Variants in PAPOLA observed in about 807,000 individuals in gnomAD.
PAPOLA encodes the protein poly(A) polymerase alpha.
Under a neutral mutation model 100.6 loss-of-function variants are expected in PAPOLA, and 15 were observed. The ratio of observed to expected loss-of-function variants is 0.15; its 90% CI spans 0.10 to 0.23. The LOEUF (loss-of-function observed/expected upper bound fraction) is 0.23, where lower values mean the gene tolerates loss of function less well. Ranked by LOEUF, PAPOLA falls within the 10% of genes least tolerant of loss-of-function variation. PAPOLA has a pLI of 1.00. For synonymous variants in PAPOLA, 293 were observed against 300.0 expected (o/e 0.98, Z 0.24); for missense variants, 533 against 884.2 (o/e 0.60, Z 5.04).
chr14:96,522,976 A>G (rs1175898162), intron 3 of PAPOLA, among the ~76,000 whole-genome samples: 1 of 152,162 alleles, frequency 6.6e-6, no homozygotes, highest in East Asian at 1.9e-4. Context: ...TAAAAGTTGT[A>G]GTCTTTTGGT....
At chr14:96,531,854 G>A in intron 7 of PAPOLA, 1 of 1,388,806 alleles carries the variant, frequency 7.2e-7, no homozygotes, top group South Asian at 1.7e-5. Context: ...TGTTGCTAGT[G>A]ATTTAGGTTT....
intron 2 of PAPOLA, among the ~76,000 whole-genome samples, chr14:96,520,599 A>C (rs1315154453): frequency 6.6e-6 from 1 of 151,856 alleles, no homozygotes; most frequent in African/African-American, 2.4e-5. Context: ...CTGGTCTCGA[A>C]CTCCTGAGCC....
At position 96,544,232 on chromosome 14, in the gene PAPOLA, A is replaced by G; in HGVS notation, c.1373A>G (p.Tyr458Cys). ...NSENLSVDLT[Y>C]DIQSFTDTVY... ...GAAAACCTCAGTGTTGATCTCACCT[A>G]TGATATTCAGTCTTTCACAGATACA... The change falls in exon 15 of 22, where the codon TAT (tyrosine) becomes TGT (cysteine). Residue 458 changes from tyrosine to cysteine, a missense_variant. Physicochemically the swap from Tyr to Cys is radical, Grantham distance 194. This residue lies in a region of PAPOLA where 18 missense variants were observed against 74.9 expected (regional missense o/e 0.24). Coordinates refer to ENST00000216277, the MANE Select transcript of PAPOLA (RefSeq NM_032632.5). 2.5e-6 allele frequency: 4 copies of G among 1,574,202 alleles called. No individual in the cohort carries two copies. The highest frequency in any genetic ancestry group is 1.1e-5 in the South Asian group (1 of 90,014).
intron 3 of PAPOLA, among the ~76,000 whole-genome samples, chr14:96,525,069 A>T (rs1898349221): frequency 6.6e-6 from 1 of 152,232 alleles, no homozygotes; most frequent in South Asian, 2.1e-4. Context: ...AGTTTCTAGA[A>T]ATAGGGCAAG....
intron 9 of PAPOLA, 103 bp from the exon 10 acceptor site, chr14:96,534,388 A>C: frequency 4.6e-6 from 7 of 1,534,666 alleles, no homozygotes; most frequent in Non-Finnish European, 6.1e-6. Context: ...CCAAGAAGGC[A>C]GAATGAAGAA....
intron 12 of PAPOLA, among the ~76,000 whole-genome samples, chr14:96,540,082 A>C (rs1424542926): frequency 1.3e-5 from 2 of 152,126 alleles, no homozygotes; most frequent in African/African-American, 4.8e-5. Context: ...TCCCTTTTGG[A>C]TTTCAGTAAG....
chr14:96,536,090 A>G (rs1899501409), intron 11 of PAPOLA, 91 bp downstream of exon 11: 3 of 947,894 alleles, frequency 3.2e-6, no homozygotes, highest in Non-Finnish European at 4.4e-6. Context: ...TAAATTGAAG[A>G]AGGATTCACT....
At chr14:96,564,746 T>G (rs1204097698) in intron 21 of PAPOLA, among the ~76,000 whole-genome samples, 1 of 152,072 alleles carries the variant, frequency 6.6e-6, no homozygotes, top group Non-Finnish European at 1.5e-5. Context: ...ATATACCTAT[T>G]TGAAAATTCC....
At chr14:96,520,959 A>G in intron 2 of PAPOLA, 47 bp from the exon 3 acceptor site, 1 of 871,870 alleles carries the variant, frequency 1.1e-6, no homozygotes, top group Non-Finnish European at 1.9e-6. Flanking sequence ...AAGAAATTTA[A>G]TCAGTAATGA....
intron 10 of PAPOLA, chr14:96,535,667 A>G: frequency 1.1e-6 from 1 of 875,406 alleles, no homozygotes; most frequent in Non-Finnish European, 1.5e-6. Flanking sequence ...GCCAAAATCC[A>G]AATTGAAGCA....
chr14:96,508,289 G>C (rs941074190), intron 1 of PAPOLA, among the ~76,000 whole-genome samples: 3 of 152,202 alleles, frequency 2.0e-5, no homozygotes, highest in African/African-American at 7.2e-5. Flanking sequence ...CAATATAGTA[G>C]ATAACCTTTA....
chr14:96,559,596 T>TATATATATATAC lies in PAPOLA; in HGVS notation c.2005-1052_2005-1051insTATATATATACA, dbSNP rs1426338442. On this transcript the variant is annotated intron_variant, in intron 19 of 21. Coordinates refer to ENST00000216277, the MANE Select transcript of PAPOLA (RefSeq NM_032632.5). Reference sequence around the variant, plus strand: ...CTCTCTCTCTCTATATATATATATATACACACACACATATATATATGTATA... The same window carrying TATATATATATAC: ...CTCTCTCTCTCTATATATATATATATATATATATATACACACACACACATATATATATGTATA... 1.5e-3 allele frequency among the ~76,000 whole-genome samples: 212 copies of TATATATATATAC among 145,508 alleles called. 2 individuals carry two copies. In the South Asian group the frequency reaches 0.028, roughly 19 times the overall value.
intron 4 of PAPOLA, among the ~76,000 whole-genome samples, chr14:96,525,725 C>T (rs1413974530): frequency 6.6e-6 from 1 of 151,950 alleles, no homozygotes; most frequent in Non-Finnish European, 1.5e-5. Context: ...ACACTTCAGC[C>T]TGGGTGACAG....
intron 17 of PAPOLA, among the ~76,000 whole-genome samples, chr14:96,554,259 C>G (rs779688088): frequency 1.3e-5 from 2 of 152,332 alleles, no homozygotes; most frequent in South Asian, 4.1e-4. Context: ...TACTAGGCAC[C>G]TTGCTAGCCA....
rs1483053632 is a variant in PAPOLA, at chr14:96,566,856, TTATTA to T, written c.*1807_*1811del. 1 of 152,576 alleles carries T rather than the reference TTATTA, an allele frequency of 6.6e-6. No homozygotes were observed. Among genetic ancestry groups the T allele is most frequent in the African/African-American group, 2.4e-5 (1 of 41,456 alleles). The allele number at this position is 152,576 out of a possible 1,614,324, so 9.5% of individuals were successfully genotyped here. A position where few individuals can be genotyped will look rare whatever the true frequency, so the allele number is the denominator to read the frequency against. ...TACACATTGGGGAAAACAATTCAGT[TTATTA>T]AACGTTTCATGTAACTGCACCCAAG... On this transcript the variant is annotated 3_prime_UTR_variant, in exon 22 of 22. Coordinates refer to ENST00000216277, the MANE Select transcript of PAPOLA (RefSeq NM_032632.5).
At chr14:96,531,163 G>A (rs1468784294) in intron 6 of PAPOLA, among the ~76,000 whole-genome samples, 5 of 151,850 alleles carry the variant, frequency 3.3e-5, no homozygotes, top group Non-Finnish European at 7.4e-5. Context: ...CACCATGCCC[G>A]GCTAATTTTT....
At chr14:96,524,851 TAAAA>T (rs1290618950) in intron 3 of PAPOLA, among the ~76,000 whole-genome samples, 1 of 152,014 alleles carries the variant, frequency 6.6e-6, no homozygotes. Flanking sequence ...TTTGATATGA[TAAAA>T]AAAATACTCT....
rs779871978 is a variant in PAPOLA at position 96,521,093 on chromosome 14, A to G, written c.249+21A>G. 36 of 1,229,040 alleles carry G rather than the reference A, an allele frequency of 2.9e-5. 1 individual carries two copies. The South Asian group carries it at 3.4e-4, about 12-fold the overall frequency. 76.1% of individuals were successfully genotyped at this position (1,229,040 alleles called of 1,614,324 possible). A position where few individuals can be genotyped will look rare whatever the true frequency, so the allele number is the denominator to read the frequency against. ...GCAAGGTAAGGCAACTTTTTTGTAT[A>G]TGAAATAATTTCATATATAGCCAAC... On this transcript the variant is annotated intron_variant, in intron 3 of 21. Transcript: ENST00000216277.
At chr14:96,520,931 A>G (rs769569959) in intron 2 of PAPOLA, 75 bp from the exon 3 acceptor site, 1 of 771,610 alleles carries the variant, frequency 1.3e-6, no homozygotes, top group Non-Finnish European at 2.3e-6. Flanking sequence ...TTTAGGAAGA[A>G]CGCCTATTTA....
Sources: allele counts gnomAD v4.1 joint callset (sites outside exome capture counted in the v4.1 genomes callset), GRCh38; gene constraint gnomAD v4.1.1; regional missense constraint gnomAD v4.1.1; transcripts MANE v1.5; gene names NCBI Gene and HGNC (gene_info 2026-07-23, HGNC 2026-07-21).